Variants in UQCC1 observed in about 807,000 individuals in gnomAD.
UQCC1 encodes ubiquinol-cytochrome c reductase complex assembly factor 1.
Under a neutral mutation model 48.0 loss-of-function variants are expected in UQCC1, and 38 were observed. The observed-to-expected ratio is 0.79, with a 90% CI of 0.61 to 1.04. UQCC1 has a LOEUF of 1.04. Among genes scored for constraint, UQCC1 ranks in the 50% least tolerant of loss-of-function variants. UQCC1 has a pLI of 0.00. For missense variants in UQCC1, 368 were observed against 381.8 expected (o/e 0.96, Z 0.30); for synonymous variants, 111 against 129.2 (o/e 0.86, Z 0.95).
At chr20:35,308,065 G>A (rs889070102) in intron 8 of UQCC1, among the ~76,000 whole-genome samples, 1 of 152,230 alleles carries the variant, frequency 6.6e-6, no homozygotes, top group Non-Finnish European at 1.5e-5. Flanking sequence ...CAAAGACCCA[G>A]GATCACTTTA....
chr20:35,304,148 CAG>C, intron 9 of UQCC1, 79 bp from the exon 10 acceptor site: 2 of 1,589,900 alleles, frequency 1.3e-6, no homozygotes. Flanking sequence ...ACCAGCCTCC[CAG>C]AGGAGAGGAA....
chr20:35,325,912 G>A (rs999909823), intron 7 of UQCC1, among the ~76,000 whole-genome samples: 1 of 152,142 alleles, frequency 6.6e-6, no homozygotes, highest in African/African-American at 2.4e-5. Context: ...TGCTCATGGT[G>A]GCAAGAATCA....
Position 35,374,034 on chromosome 20 carries a change from TAA to T in UQCC1, c.406+148_406+149del, listed in dbSNP as rs914202613. 13 of 638,138 alleles carry T rather than the reference TAA, an allele frequency of 2.0e-5. No homozygotes were observed. In the African/African-American group the frequency reaches 2.1e-4, roughly 10 times the overall value. 39.5% of individuals were successfully genotyped at this position (638,138 alleles called of 1,614,324 possible). A position where few individuals can be genotyped will look rare whatever the true frequency, so the allele number is the denominator to read the frequency against. On this transcript the variant is annotated intron_variant, in intron 5 of 9. Transcript: ENST00000374385. ...AAAGAAATATATACAAGAAGTTTTTTAAAGAGACAAATAGACAGTTTGGATTA... is the reference window on the plus strand; with the variant it reads ...AAAGAAATATATACAAGAAGTTTTTTAGAGACAAATAGACAGTTTGGATTA...
chr20:35,378,820 A>C (rs759264466), intron 4 of UQCC1, among the ~76,000 whole-genome samples: 26 of 152,170 alleles, frequency 1.7e-4, no homozygotes, highest in Non-Finnish European at 3.4e-4. Context: ...ATTTTGCTAA[A>C]CTTAAAATCT....
chr20:35,343,075 C>A (rs950058315), intron 7 of UQCC1, among the ~76,000 whole-genome samples: 6 of 152,230 alleles, frequency 3.9e-5, no homozygotes, highest in Non-Finnish European at 8.8e-5. Flanking sequence ...TTCCACACAC[C>A]AATCCACTCA....
chr20:35,333,757 T>C (rs1303313233), intron 7 of UQCC1, among the ~76,000 whole-genome samples: 2 of 152,174 alleles, frequency 1.3e-5, no homozygotes, highest in Admixed American at 1.3e-4. Context: ...TGCAGAAGGT[T>C]CCAAATTACA....
chr20:35,322,713 C>T (rs907948735), intron 7 of UQCC1, among the ~76,000 whole-genome samples: 1 of 152,032 alleles, frequency 6.6e-6, no homozygotes, highest in African/African-American at 2.4e-5. Flanking sequence ...AGCCTGGCAA[C>T]TGAGCAAGAC....
Position 35,303,758 on chromosome 20 carries a change from C to T in UQCC1, c.*177G>A. 1.2e-6 allele frequency: 1 copy of T among 850,054 alleles called. No individual in the cohort carries two copies. The allele number at this position is 850,054 out of a possible 1,614,324, so 52.7% of individuals were successfully genotyped here. ...GGGTTCTCCCAGCCCTGTACCCCAG[C>T]AGATCAGACTCCTGGGCACACTAAG... On this transcript the variant is annotated 3_prime_UTR_variant, in exon 10 of 10. Coordinates refer to ENST00000374385, the MANE Select transcript of UQCC1 (RefSeq NM_018244.5).
At chr20:35,384,674 G>C (rs1386279148) in intron 2 of UQCC1, 1 of 448,822 alleles carries the variant, frequency 2.2e-6, no homozygotes, top group Admixed American at 2.4e-5. Flanking sequence ...GAGAGAGAGA[G>C]AGTGAATTCA....
At chr20:35,345,632 CTCCT>C (rs1451099061) in intron 7 of UQCC1, 1 of 152,168 alleles carries the variant, frequency 6.6e-6, no homozygotes, top group Non-Finnish European at 1.5e-5. Flanking sequence ...GGTTACTTTT[CTCCT>C]TCCTTGAAGG....
chr20:35,304,981 C>A (rs2060912736), intron 9 of UQCC1, among the ~76,000 whole-genome samples: 1 of 152,226 alleles, frequency 6.6e-6, no homozygotes, highest in African/African-American at 2.4e-5. Flanking sequence ...CCTCTGCCCA[C>A]CTCCTGGGTT....
chr20:35,388,713 A>C (rs533874678), intron 2 of UQCC1, among the ~76,000 whole-genome samples: 1 of 152,324 alleles, frequency 6.6e-6, no homozygotes, highest in Non-Finnish European at 1.5e-5. Context: ...GAGTTCAACA[A>C]CACAGGCTCA....
At chr20:35,386,223 T>C (rs1787335438) in intron 2 of UQCC1, 1 of 394,018 alleles carries the variant, frequency 2.5e-6, no homozygotes. Flanking sequence ...GCCAAAATAA[T>C]TCTGGCAAAA....
chr20:35,306,725 TGAA>T lies in UQCC1; in HGVS notation c.703_705del (p.Phe235del), dbSNP rs2060933274. ...TGTCGAGGGTCTTCACATTTCCGGTTGAAGAAGGTTCTCCAGAGGGCAGCGGCC... is the reference window on the plus strand; with the variant it reads ...TGTCGAGGGTCTTCACATTTCCGGTTGAAGGTTCTCCAGAGGGCAGCGGCC... On this transcript the variant is annotated inframe_deletion, in exon 9 of 10. Transcript: ENST00000374385. The T allele has an allele frequency of 1.2e-6, 2 of 1,613,980 alleles. No individual in the cohort carries two copies. The highest frequency in any genetic ancestry group is 1.7e-6 in the Non-Finnish European group (2 of 1,179,998).
chr20:35,395,980 C>CTTTTTT lies in UQCC1; in HGVS notation c.25-1790_25-1785dup, dbSNP rs1000858624. Among the ~76,000 whole-genome samples the CTTTTTT allele has an allele frequency of 2.1e-4, 21 of 99,234 alleles. 1 individual carries two copies. The highest frequency in any genetic ancestry group is 7.1e-4 in the Admixed American group (5 of 7,066). The allele number at this position is 99,234 out of a possible 152,430, so 65.1% of individuals were successfully genotyped here. A position where few individuals can be genotyped will look rare whatever the true frequency, so the allele number is the denominator to read the frequency against. ...TAATTCAAATTACGGTTTGCAATGTCTTTTTTTTTTTTTTTTTTTTTTGAG... is the reference window on the plus strand; with the variant it reads ...TAATTCAAATTACGGTTTGCAATGTCTTTTTTTTTTTTTTTTTTTTTTTTTTTTGAG... On this transcript the variant is annotated intron_variant, in intron 1 of 9. Transcript: ENST00000374385.
intron 7 of UQCC1, among the ~76,000 whole-genome samples, chr20:35,329,284 C>T (rs4911489): frequency 0.086 from 13,014 of 152,028 alleles, 743 homozygotes; most frequent in South Asian, 0.22. Flanking sequence ...AAGAAGCAGC[C>T]GACAGTGAGT....
chr20:35,314,339 T>C (rs943201500), intron 8 of UQCC1, among the ~76,000 whole-genome samples: 12 of 151,442 alleles, frequency 7.9e-5, no homozygotes, highest in Middle Eastern at 3.2e-3. Flanking sequence ...TGGCAGACCA[T>C]GCTGTTTACG....
At chr20:35,400,579 T>A (rs2062149534) in intron 1 of UQCC1, among the ~76,000 whole-genome samples, 1 of 151,042 alleles carries the variant, frequency 6.6e-6, no homozygotes, top group South Asian at 2.1e-4. Flanking sequence ...CACTGCAAGC[T>A]CCGCCTCCCA....
Position 35,306,769 on chromosome 20 carries a change from G to A in UQCC1, c.662C>T (p.Ser221Leu). 1 of 1,613,920 alleles carries A rather than the reference G, an allele frequency of 6.2e-7. No individual in the cohort carries two copies. Among genetic ancestry groups the A allele is most frequent in the Non-Finnish European group, 8.5e-7 (1 of 1,179,852 alleles). Residue 221 changes from serine to leucine, a missense_variant, in exon 9 of 10, where the codon TCA (serine) becomes TTA (leucine). Physicochemically the swap from Ser to Leu is moderately radical, Grantham distance 145. Coordinates refer to ENST00000374385, the MANE Select transcript of UQCC1 (RefSeq NM_018244.5). ...GGCAGCGGCCAGCCCATGATCATCTGAAAGGATCCCCTGGAACATACAGCA... is the reference window on the plus strand; with the variant it reads ...GGCAGCGGCCAGCCCATGATCATCTAAAAGGATCCCCTGGAACATACAGCA... ...AILGYDEGIL[S>L]DDHGLAAALW...
Sources: allele counts gnomAD v4.1 joint callset (sites outside exome capture counted in the v4.1 genomes callset), GRCh38; gene constraint gnomAD v4.1.1; transcripts MANE v1.5; gene names NCBI Gene and HGNC (gene_info 2026-07-23, HGNC 2026-07-21).